The following TMEM87A variants were observed in gnomAD, a reference collection of about 807,000 sequenced individuals.
TMEM87A encodes Golgi-pH regulating cation channel.
A neutral mutation model predicts 90.0 loss-of-function variants in TMEM87A; 50 were observed. The ratio of observed to expected loss-of-function variants is 0.56; its 90% CI spans 0.44 to 0.70. TMEM87A has a LOEUF of 0.70. TMEM87A is among the 30% of genes least tolerant of loss of function. TMEM87A has a pLI of 0.00. For missense variants in TMEM87A, 577 were observed against 660.5 expected (o/e 0.87, Z 1.39); for synonymous variants, 226 against 226.7 (o/e 1.00, Z 0.03).
intron 2 of TMEM87A, among the ~76,000 whole-genome samples, chr15:42,268,575 G>C (rs2051451377): frequency 6.6e-6 from 1 of 152,154 alleles, no homozygotes; most frequent in Non-Finnish European, 1.5e-5. Flanking sequence ...AGGGAGGCAG[G>C]AGGATCACTT....
Position 42,226,896 on chromosome 15 carries a change from A to C in TMEM87A, c.1313T>G (p.Leu438Arg). 1.2e-6 allele frequency: 2 copies of C among 1,614,022 alleles called. No individual in the cohort carries two copies. Among genetic ancestry groups the C allele is most frequent in the Non-Finnish European group, 8.5e-7 (1 of 1,179,976 alleles). The change falls in exon 15 of 20, where the codon CTG becomes CGG. Residue 438 changes from leucine (L) to arginine (R), a missense_variant. Leu to Arg is a moderately radical substitution (Grantham distance 102). Transcript: ENST00000389834. The part of the protein sequence containing the change: ...IVTCQSDWRE[L>R]WVDDAIWRLL... The stretch of plus-strand genomic sequence containing the variant: ...GCGCCAGATGGCATCGTCTACCCAC[A>C]GCTCCCGCCAGTCCTACAATACAGG...
intron 16 of TMEM87A, 24 bp from the exon 17 acceptor site, chr15:42,219,666 C>A (rs752257260): frequency 5.3e-5 from 81 of 1,527,556 alleles, no homozygotes; most frequent in Non-Finnish European, 7.0e-5. Flanking sequence ...TAAATATACA[C>A]TGTTTAACTT....
At chr15:42,252,353 G>A (rs945486219) in intron 6 of TMEM87A, among the ~76,000 whole-genome samples, 1 of 151,964 alleles carries the variant, frequency 6.6e-6, no homozygotes, top group Non-Finnish European at 1.5e-5. Flanking sequence ...GCTGTAGACG[G>A]AGCTGTTCCT....
intron 19 of TMEM87A, among the ~76,000 whole-genome samples, chr15:42,213,881 T>A (rs1044030994): frequency 7.3e-5 from 11 of 151,412 alleles, no homozygotes; most frequent in African/African-American, 2.7e-4. Context: ...AGAAGATAAA[T>A]CTCTGGAAAC....
chr15:42,222,761 T>C (rs1323687048), intron 15 of TMEM87A, among the ~76,000 whole-genome samples: 4 of 150,874 alleles, frequency 2.7e-5, no homozygotes, highest in Admixed American at 1.3e-4. Context: ...GGTTTCATCA[T>C]GTTGGTCCGG....
chr15:42,226,684 ATTCCAGGCCCAGTG>A, intron 15 of TMEM87A, 108 bp downstream of exon 15: 1 of 816,018 alleles, frequency 1.2e-6, no homozygotes, highest in Non-Finnish European at 2.0e-6. Context: ...AGTTCTTCTG[ATTCCAGGCCCAGTG>A]TTCCTTCCAC....
intron 6 of TMEM87A, among the ~76,000 whole-genome samples, chr15:42,252,415 T>C (rs935898393): frequency 6.6e-6 from 1 of 152,240 alleles, no homozygotes; most frequent in Admixed American, 6.5e-5. Flanking sequence ...ATGAATGATA[T>C]TCCATTTTAT....
intron 6 of TMEM87A, among the ~76,000 whole-genome samples, chr15:42,253,626 G>C (rs939526191): frequency 6.6e-6 from 1 of 152,290 alleles, no homozygotes; most frequent in African/African-American, 2.4e-5. Context: ...CCTGCACCAC[G>C]ACTGCGAGTT....
intron 15 of TMEM87A, among the ~76,000 whole-genome samples, chr15:42,223,695 A>C (rs2050538511): frequency 6.6e-6 from 1 of 152,244 alleles, no homozygotes; most frequent in Non-Finnish European, 1.5e-5. Flanking sequence ...CATTATAAAC[A>C]AACAGTCTGT....
At chr15:42,231,114 C>T in intron 12 of TMEM87A, 78 bp downstream of exon 12, 1 of 1,366,776 alleles carries the variant, frequency 7.3e-7, no homozygotes, top group South Asian at 1.3e-5. Context: ...GATAAAAACT[C>T]TTTGCAGAAA....
At chr15:42,270,735 C>A (rs1400963323) in intron 2 of TMEM87A, among the ~76,000 whole-genome samples, 2 of 152,284 alleles carry the variant, frequency 1.3e-5, no homozygotes, top group East Asian at 3.9e-4. Flanking sequence ...CTAGGTTACC[C>A]AGTAAACCAA....
rs556493638 is a variant in TMEM87A, at chr15:42,211,773, A to C, written c.1627-24T>G. 4.4e-6 allele frequency: 7 copies of C among 1,608,502 alleles called. No individual in the cohort carries two copies. In the Admixed American group the frequency reaches 8.4e-5, roughly 19 times the overall value. The stretch of plus-strand genomic sequence containing the variant: ...TCCTAGGGAAAAAAAAAAAGGTTGA[A>C]GTATATTAGGTTAAAATGATCTATA... On this transcript the variant is annotated intron_variant, in intron 19 of 19. Coordinates refer to ENST00000389834, the MANE Select transcript of TMEM87A (RefSeq NM_015497.5).
chr15:42,244,256 G>A (rs1339740878), intron 6 of TMEM87A, 89 bp from the exon 7 acceptor site: 1 of 877,022 alleles, frequency 1.1e-6, no homozygotes, highest in Non-Finnish European at 1.8e-6. Flanking sequence ...GCTCCAGAAT[G>A]TGCCCAGAAA....
intron 2 of TMEM87A, among the ~76,000 whole-genome samples, chr15:42,269,196 C>T (rs1047315589): frequency 8.6e-5 from 13 of 151,998 alleles, no homozygotes; most frequent in Non-Finnish European, 1.6e-4. Context: ...TCAGTATTCG[C>T]TTTTATCTTT....
At chr15:42,273,175 A>T in intron 1 of TMEM87A, 80 bp downstream of exon 1, 2 of 1,564,520 alleles carry the variant, frequency 1.3e-6, no homozygotes. Context: ...ACTTTTGCGG[A>T]ACCTTCATGG....
At chr15:42,221,174 G>A (rs966051841) in intron 15 of TMEM87A, among the ~76,000 whole-genome samples, 5 of 152,002 alleles carry the variant, frequency 3.3e-5, no homozygotes, top group Non-Finnish European at 5.9e-5. Flanking sequence ...CCTTGACCCC[G>A]GGGAACAGAA....
intron 8 of TMEM87A, 45 bp from the exon 9 acceptor site, chr15:42,237,660 A>G: frequency 6.8e-7 from 1 of 1,479,334 alleles, no homozygotes; most frequent in Non-Finnish European, 9.1e-7. Context: ...ATTAGGGCCA[A>G]GAGCCAAGTC....
chr15:42,233,241 C>T lies in TMEM87A; in HGVS notation c.1034G>A (p.Gly345Asp). 1 of 1,613,902 alleles carries T rather than the reference C, an allele frequency of 6.2e-7. No individual in the cohort carries two copies. The highest frequency in any genetic ancestry group is 8.5e-7 in the Non-Finnish European group (1 of 1,179,970). The change falls in exon 11 of 20, where the codon GGC (glycine) becomes GAC (aspartate). Residue 345 changes from glycine to aspartate, a missense_variant. Physicochemically the swap from Gly to Asp is moderately conservative, Grantham distance 94. Transcript: ENST00000389834. ...AGTAACTCTGAGGACCCCTTCCATG[C>T]CAGAGAACAAAAGATAGAGGGCTCC... ...VAGALYLLFS[G>D]MEGVLRVTGA... is the part of the protein sequence containing the mutation.
At position 42,237,100 on chromosome 15, in the gene TMEM87A, T is replaced by A. The variant is rs150368011; in HGVS notation, c.868+332A>T. Among the ~76,000 whole-genome samples the A allele has an allele frequency of 7.8e-3, 1,189 of 152,318 alleles. 13 individuals are homozygous for A. The highest frequency in any genetic ancestry group is 0.027 in the African/African-American group (1,136 of 41,566). ...AGGTGTGTCTTACAATCAGTGACAT[T>A]TTACAATTAAATTGACAGCTTTACT... On this transcript the variant is annotated intron_variant, in intron 9 of 19. Coordinates refer to ENST00000389834, the MANE Select transcript of TMEM87A (RefSeq NM_015497.5).
Sources: allele counts gnomAD v4.1 joint callset (sites outside exome capture counted in the v4.1 genomes callset), GRCh38; gene constraint gnomAD v4.1.1; transcripts MANE v1.5; gene names NCBI Gene and HGNC (gene_info 2026-07-23, HGNC 2026-07-21).